Variants in ARID1A observed in about 807,000 individuals in gnomAD.
ARID1A encodes the protein AT-rich interaction domain 1A.
Under a neutral mutation model 212.6 loss-of-function variants are expected in ARID1A, and 20 were observed. The observed-to-expected ratio is 0.09, with a 90% CI of 0.07 to 0.14. ARID1A has a LOEUF of 0.14. Among genes scored for constraint, ARID1A ranks in the 10% least tolerant of loss-of-function variants. The pLI is 1.00. For missense variants in ARID1A, 2,587 were observed against 3,059.0 expected, an observed-to-expected ratio of 0.85 and a Z score of 3.64; for synonymous variants, 1,376 against 1,222.1, an observed-to-expected ratio of 1.13 and a Z score of -2.63.
chr1:26,726,129 T>C (rs1158505707), intron 1 of ARID1A, among the ~76,000 whole-genome samples: 4 of 151,754 alleles, frequency 2.6e-5, no homozygotes, highest in African/African-American at 9.7e-5. Flanking sequence ...TGTTGGGATT[T>C]ACAGGCATGA....
chr1:26,738,180 C>A (rs1408153673), intron 4 of ARID1A, among the ~76,000 whole-genome samples: 1 of 151,946 alleles, frequency 6.6e-6, no homozygotes, highest in African/African-American at 2.4e-5. Context: ...CCCGCTACCA[C>A]ACCCGGCTAA....
In ARID1A at chr1:26,779,019, T is replaced by G. The variant is rs774672950; in HGVS notation, c.5125-4T>G. On this transcript the variant is annotated splice_region_variant and splice_polypyrimidine_tract_variant and intron_variant, in intron 19 of 19. Coordinates refer to ENST00000324856, the MANE Select transcript of ARID1A (RefSeq NM_006015.6). Reference sequence around the variant, plus strand: ...AATTTATTTCCTGTTCTTTCTCTTTTTAGCTCCCAGGGTTGCTAGAGCTCC... The same window carrying G: ...AATTTATTTCCTGTTCTTTCTCTTTGTAGCTCCCAGGGTTGCTAGAGCTCC... 1.3e-6 allele frequency: 2 copies of G among 1,500,832 alleles called. No individual in the cohort carries two copies. Among genetic ancestry groups the G allele is most frequent in the South Asian group, 2.8e-5 (2 of 70,426 alleles). The allele number at this position is 1,500,832 out of a possible 1,614,324, so 93.0% of individuals were successfully genotyped here.
In ARID1A at chr1:26,773,616, C is replaced by T. The variant is rs2081104498; in HGVS notation, c.3903C>T (p.Ser1301=). The part of the protein sequence containing the change: ...EPGIGPEGNM[S]TGAPQPNLMP... ...GAATAGGGCCTGAGGGAAACATGAG[C>T]ACTGGGGCCCCACAGCCGAATCTCA... Residue 1301 remains serine, a synonymous_variant, in exon 16 of 20, where the codon AGC becomes AGT. Transcript: ENST00000324856. 1 of 1,614,088 alleles carries T rather than the reference C, an allele frequency of 6.2e-7. No homozygotes were observed. Among genetic ancestry groups the T allele is most frequent in the Admixed American group, 1.7e-5 (1 of 60,002 alleles).
At chr1:26,778,818 A>T in intron 19 of ARID1A, 1 of 463,220 alleles carries the variant, frequency 2.2e-6, no homozygotes, top group Admixed American at 3.5e-5. Flanking sequence ...GCTTACGTGA[A>T]GGTAGGTTGG....
chr1:26,725,468 C>G (rs1471006795), intron 1 of ARID1A, among the ~76,000 whole-genome samples: 2 of 152,122 alleles, frequency 1.3e-5, no homozygotes, highest in Non-Finnish European at 2.9e-5. Flanking sequence ...AGATGTCTAA[C>G]TTTTACATGA....
rs754498428 is a variant in ARID1A, at chr1:26,780,352, G to A, written c.6454G>A (p.Val2152Met). The change falls in exon 20 of 20, where the codon GTG (valine) becomes ATG (methionine). Residue 2152 changes from valine to methionine, a missense_variant. Around this residue, in one of 11 missense-constraint regions of ARID1A, gnomAD observed 168 missense variants for 321.0 expected, o/e 0.52. Transcript: ENST00000324856. The surrounding 1 kb of genome is among the most constrained non-coding windows in gnomAD (Gnocchi z 7.2). ...CCTGGAGAAGTTGTATAGCACTATG[G>A]TGCGCTTCCTCAGTGACCGAAAGAA... ...SRLEKLYSTM[V>M]RFLSDRKNPV... 6.2e-7 allele frequency: 1 copy of A among 1,614,220 alleles called. No individual in the cohort carries two copies. The highest frequency in any genetic ancestry group is 8.5e-7 in the Non-Finnish European group (1 of 1,180,048).
intron 4 of ARID1A, among the ~76,000 whole-genome samples, chr1:26,740,266 C>T (rs921971863): frequency 6.6e-6 from 1 of 152,050 alleles, no homozygotes; most frequent in Non-Finnish European, 1.5e-5. Context: ...TCCATGATTC[C>T]GAATATGATA....
chr1:26,715,240 GGGA>G (rs2080491057), intron 1 of ARID1A, among the ~76,000 whole-genome samples: 2 of 152,210 alleles, frequency 1.3e-5, no homozygotes, highest in Admixed American at 1.3e-4. Context: ...ACATGGAAGA[GGGA>G]GGAGTATTTT....
chr1:26,732,180 G>A (rs2080684829), intron 3 of ARID1A, among the ~76,000 whole-genome samples: 1 of 152,176 alleles, frequency 6.6e-6, no homozygotes, highest in Admixed American at 6.5e-5. Context: ...CAAGATGTAG[G>A]TAATAGAGCC....
chr1:26,735,116 A>ATTTTTT (rs35465692), intron 4 of ARID1A, among the ~76,000 whole-genome samples: 3 of 131,610 alleles, frequency 2.3e-5, no homozygotes, highest in Admixed American at 7.6e-5. Context: ...AAAATCCAGA[A>ATTTTTT]TTTTTTTTTT....
chr1:26,761,551 C>A, intron 6 of ARID1A, 78 bp downstream of exon 6: 2 of 1,401,142 alleles, frequency 1.4e-6, no homozygotes, highest in Non-Finnish European at 2.0e-6. Context: ...TTTTGGAGAG[C>A]TGTTTGACCA....
At position 26,772,534 on chromosome 1, in the gene ARID1A, C is replaced by G. The variant is rs2124104081; in HGVS notation, c.3441C>G (p.Pro1147=). 6.2e-7 allele frequency: 1 copy of G among 1,614,204 alleles called. No individual in the cohort carries two copies. Residue 1147 remains proline, a synonymous_variant, in exon 13 of 20, where the codon CCC becomes CCG. Coordinates refer to ENST00000324856, the MANE Select transcript of ARID1A (RefSeq NM_006015.6). ...GATCTATGCAGGGGCCCCAGACTCC[C>G]CAGTCAACCAGCAGTTCCATGGCAG... ...GSGSMQGPQT[P]QSTSSSMAEG... is the part of the protein sequence containing the mutation.
intron 1 of ARID1A, among the ~76,000 whole-genome samples, chr1:26,700,685 C>T (rs969751717): frequency 2.0e-5 from 3 of 152,196 alleles, no homozygotes; most frequent in Non-Finnish European, 2.9e-5. Context: ...GTTTCTACTA[C>T]GGAAACATCA....
intron 14 of ARID1A, 75 bp downstream of exon 14, chr1:26,773,062 TGGCTCAG>T (rs1198791017): frequency 1.3e-6 from 2 of 1,539,764 alleles, no homozygotes; most frequent in African/African-American, 2.7e-5. Context: ...ATCTTGAGAA[TGGCTCAG>T]GGTTCTTGTG....
At chr1:26,720,881 A>C (rs1352964312) in intron 1 of ARID1A, among the ~76,000 whole-genome samples, 22 of 151,834 alleles carry the variant, frequency 1.4e-4, no homozygotes. Flanking sequence ...AAAAGAAAAA[A>C]AAAAAAAGAT....
chr1:26,777,776 A>G (rs2081150119), intron 19 of ARID1A, among the ~76,000 whole-genome samples: 1 of 151,888 alleles, frequency 6.6e-6, no homozygotes, highest in Non-Finnish European at 1.5e-5. Flanking sequence ...TACTAAAACT[A>G]TAAAAATTAG....
rs892257827 is a variant in ARID1A, at chr1:26,729,588, TTA to T, written c.1138-57_1138-56del. 1.6e-4 allele frequency: 245 copies of T among 1,568,988 alleles called. No individual in the cohort carries two copies. The African/African-American group carries it at 2.9e-3, about 19-fold the overall frequency. ...GACTAAAAAAACCTGTGTACTTGGGTTATATATTCAGTGGCCAGAGGCCATCA... is the reference window on the plus strand; with the variant it reads ...GACTAAAAAAACCTGTGTACTTGGGTTATATTCAGTGGCCAGAGGCCATCA... On this transcript the variant is annotated intron_variant, in intron 1 of 19. Coordinates refer to ENST00000324856, the MANE Select transcript of ARID1A (RefSeq NM_006015.6).
chr1:26,766,815 G>A (rs1359310079), intron 10 of ARID1A, among the ~76,000 whole-genome samples: 3 of 152,174 alleles, frequency 2.0e-5, no homozygotes, highest in Non-Finnish European at 4.4e-5. Context: ...TGTTATGGGG[G>A]AAATGCCAGA....
In ARID1A at chr1:26,731,243, A is replaced by C; in HGVS notation, c.1442A>C (p.Gln481Pro). 1.9e-6 allele frequency: 3 copies of C among 1,613,986 alleles called. No homozygotes were observed. Among genetic ancestry groups the C allele is most frequent in the Non-Finnish European group, 2.5e-6 (3 of 1,179,976 alleles). Reference protein sequence around the residue: ...YNQQSPHPQQQQPPYSQQPPS... With the variant: ...YNQQSPHPQQPQPPYSQQPPS... ...CAGCAAAGTCCTCACCCTCAGCAGC[A>C]GCAGCCACCCTACTCCCAGCAACCA... The change falls in exon 3 of 20, where the codon CAG (glutamine) becomes CCG (proline). Residue 481 changes from glutamine to proline, a missense_variant. This residue lies in a region of ARID1A where 674 missense variants were observed against 813.4 expected (regional missense o/e 0.83). Transcript: ENST00000324856.
Sources: allele counts gnomAD v4.1 joint callset (sites outside exome capture counted in the v4.1 genomes callset), GRCh38; gene constraint gnomAD v4.1.1; regional missense constraint gnomAD v4.1.1; non-coding constraint Gnocchi (gnomAD v3.1); transcripts MANE v1.5; gene names NCBI Gene and HGNC (gene_info 2026-07-23, HGNC 2026-07-21).